GTSF1: variants seen among roughly 807,000 people sequenced by gnomAD.
GTSF1 encodes the protein gametocyte specific factor 1, also known as gametocyte-specific factor 1.
Under a neutral mutation model 28.9 loss-of-function variants are expected in GTSF1, and 11 were observed. That is an observed-to-expected ratio of 0.38 (90% CI 0.24 to 0.63). The LOEUF (loss-of-function observed/expected upper bound fraction) is 0.63. Among genes scored for constraint, GTSF1 ranks in the 30% least tolerant of loss-of-function variants. The probability of loss-of-function intolerance (pLI) is 0.56; values close to 1 mark genes in which losing one functional copy is unlikely to be tolerated. For synonymous variants in GTSF1, 69 were observed against 65.6 expected (o/e 1.05, Z -0.25); for missense variants, 146 against 201.0 (o/e 0.73, Z 1.66).
intron 6 of GTSF1, among the ~76,000 whole-genome samples, chr12:54,461,153 G>C (rs1956415054): frequency 6.6e-6 from 1 of 152,060 alleles, no homozygotes; most frequent in South Asian, 2.1e-4. Context: ...GAGTGCAGTG[G>C]CATGATCATG....
intron 2 of GTSF1, among the ~76,000 whole-genome samples, chr12:54,469,933 G>T (rs930870363): frequency 8.5e-5 from 13 of 152,102 alleles, no homozygotes; most frequent in African/African-American, 3.1e-4. Flanking sequence ...AGCACTTTGG[G>T]AGGCCAAGGC....
intron 1 of GTSF1, among the ~76,000 whole-genome samples, chr12:54,473,165 G>A (rs1956611113): frequency 6.6e-6 from 1 of 151,900 alleles, no homozygotes; most frequent in African/African-American, 2.4e-5. Flanking sequence ...AAGCTACGCC[G>A]GAAGCAATCA....
chr12:54,471,230 T>A lies in GTSF1; in HGVS notation c.16+3A>T, dbSNP rs766864413. ...TTTTCTAAAAGCAACAAGGAGTACA[T>A]ACTGTAAGTTTCTTCCATGTTGGAA... On this transcript the variant is annotated splice_donor_region_variant and intron_variant, in intron 2 of 8. Transcript: ENST00000305879. 2 of 1,591,776 alleles carry A rather than the reference T, an allele frequency of 1.3e-6. No individual in the cohort carries two copies. The highest frequency in any genetic ancestry group is 8.5e-7 in the Non-Finnish European group (1 of 1,170,682).
chr12:54,456,894 G>GTGGT (rs1387174596), intron 8 of GTSF1, among the ~76,000 whole-genome samples: 1 of 152,064 alleles, frequency 6.6e-6, no homozygotes, highest in Non-Finnish European at 1.5e-5. Flanking sequence ...AGACTGGCCT[G>GTGGT]GCCAACATGG....
intron 2 of GTSF1, 46 bp downstream of exon 2, chr12:54,471,187 C>G (rs200638226): frequency 1.4e-6 from 2 of 1,455,376 alleles, no homozygotes; most frequent in Non-Finnish European, 1.9e-6. Context: ...TAAAACTATA[C>G]GTAAATGATT....
chr12:54,459,794 T>C (rs956483303), intron 7 of GTSF1, among the ~76,000 whole-genome samples: 1 of 116,480 alleles, frequency 8.6e-6, no homozygotes, highest in African/African-American at 3.7e-5. Flanking sequence ...TGGCGGGATC[T>C]CGGCTCACTG....
chr12:54,461,620 T>C (rs559514368), intron 6 of GTSF1, among the ~76,000 whole-genome samples: 17 of 152,114 alleles, frequency 1.1e-4, no homozygotes, highest in African/African-American at 1.9e-4. Flanking sequence ...TCCAGCCTGG[T>C]TGACAGAGTC....
rs1342672797 is a variant in GTSF1, at chr12:54,456,121, A to T, written c.*53T>A. On this transcript the variant is annotated 3_prime_UTR_variant, in exon 9 of 9. Transcript: ENST00000305879. ...GAGGAAAATGAGAACCCACTGGTAG[A>T]AGAAGAAGCAACAGTCTTCTAGGGT... 3 of 152,618 alleles carry T rather than the reference A, an allele frequency of 2.0e-5. No individual in the cohort carries two copies. Among genetic ancestry groups the T allele is most frequent in the Non-Finnish European group, 4.4e-5 (3 of 68,044 alleles). 9.5% of individuals were successfully genotyped at this position (152,618 alleles called of 1,614,324 possible).
At chr12:54,470,477 A>T (rs143246617) in intron 2 of GTSF1, among the ~76,000 whole-genome samples, 5 of 152,310 alleles carry the variant, frequency 3.3e-5, no homozygotes, top group African/African-American at 9.6e-5. Flanking sequence ...CTCTTCCTAG[A>T]GGGTAGAATG....
intron 1 of GTSF1, among the ~76,000 whole-genome samples, chr12:54,473,299 A>G (rs1489827141): frequency 6.6e-6 from 1 of 152,132 alleles, no homozygotes; most frequent in Non-Finnish European, 1.5e-5. Context: ...CAGTAGACTT[A>G]ATCAATGAGA....
At chr12:54,461,338 G>A (rs1956419963) in intron 6 of GTSF1, among the ~76,000 whole-genome samples, 1 of 151,698 alleles carries the variant, frequency 6.6e-6, no homozygotes. Flanking sequence ...TGGCCTCAGC[G>A]ATCCTCCCAC....
intron 1 of GTSF1, among the ~76,000 whole-genome samples, chr12:54,473,000 A>G (rs1318344674): frequency 6.6e-6 from 1 of 152,142 alleles, no homozygotes; most frequent in Non-Finnish European, 1.5e-5. Context: ...AAGCCAACCT[A>G]TTCTTCCCGG....
At chr12:54,463,764 A>G (rs1342925069) in intron 3 of GTSF1, among the ~76,000 whole-genome samples, 1 of 152,210 alleles carries the variant, frequency 6.6e-6, no homozygotes, top group African/African-American at 2.4e-5. Flanking sequence ...GCTGGAAAAT[A>G]GCTGTTGGAA....
chr12:54,459,365 T>A (rs1956384506), intron 7 of GTSF1: 2 of 1,424,254 alleles, frequency 1.4e-6, no homozygotes, highest in African/African-American at 2.9e-5. Context: ...AATGCAAGTA[T>A]CCAGGGAGAA....
intron 8 of GTSF1, among the ~76,000 whole-genome samples, chr12:54,458,412 G>T (rs1956369045): frequency 3.3e-5 from 5 of 152,056 alleles, no homozygotes; most frequent in Admixed American, 3.3e-4. Context: ...TTACTCTGTG[G>T]CCCAGACTGG....
chr12:54,465,224 A>G, intron 2 of GTSF1, 57 bp from the exon 3 acceptor site: 3 of 1,148,862 alleles, frequency 2.6e-6, no homozygotes, highest in Non-Finnish European at 3.9e-6. Context: ...GTAAAACTAC[A>G]GCATTCCAGG....
intron 8 of GTSF1, 78 bp downstream of exon 8, chr12:54,459,011 T>A: frequency 2.1e-6 from 2 of 965,846 alleles, no homozygotes. Context: ...TGAAAGAAAA[T>A]TGGACCCAAA....
At chr12:54,461,441 G>A (rs1342247869) in intron 6 of GTSF1, among the ~76,000 whole-genome samples, 2 of 152,030 alleles carry the variant, frequency 1.3e-5, no homozygotes, top group Non-Finnish European at 2.9e-5. Context: ...GGGAGGCAGA[G>A]GGGGGAGGAT....
At position 54,459,114 on chromosome 12, in the gene GTSF1, G is replaced by A. The variant is rs200520699; in HGVS notation, c.499C>T (p.Gln167Ter). The A allele has an allele frequency of 5.6e-6, 9 of 1,604,198 alleles. No homozygotes were observed. In the Admixed American group the frequency reaches 8.5e-5, roughly 15 times the overall value. The change falls in exon 8 of 9, where the codon CAG (glutamine) becomes TAG (stop). Residue 167 changes from glutamine (Q) to a stop codon, truncating the protein, a stop_gained. Transcript: ENST00000305879. LOFTEE classifies it high-confidence loss of function. Reference sequence around the variant, plus strand: ...TTGATGAGATAGGTATTCAGTTACTGTGCATTTCCATCTACAAGTAGAAAT... The same window carrying A: ...TTGATGAGATAGGTATTCAGTTACTATGCATTTCCATCTACAAGTAGAAAT... ...VLPWKNNGNA[Q>*] is the part of the protein sequence containing the mutation.
Sources: allele counts gnomAD v4.1 joint callset (sites outside exome capture counted in the v4.1 genomes callset), GRCh38; gene constraint gnomAD v4.1.1; transcripts MANE v1.5; gene names NCBI Gene and HGNC (gene_info 2026-07-23, HGNC 2026-07-21).